FBXO36: variants seen among roughly 807,000 people sequenced by gnomAD.
FBXO36 encodes the protein F-box protein 36.
In FBXO36, 18 loss-of-function variants were observed where a neutral mutation model predicts 17.0. The ratio of observed to expected loss-of-function variants is 1.06; its 90% CI spans 0.73 to 1.57. FBXO36 has a LOEUF of 1.57. Among genes scored for constraint, FBXO36 ranks in the 40% most tolerant of loss-of-function variants. The pLI, the probability that FBXO36 is intolerant of heterozygous loss-of-function variation, is 0.00. For synonymous variants in FBXO36, 83 were observed against 85.3 expected (o/e 0.97, Z 0.15); for missense variants, 229 against 221.9 (o/e 1.03, Z -0.20).
At chr2:230,005,245 G>C (rs1017942583) in intron 3 of FBXO36, among the ~76,000 whole-genome samples, 1 of 151,970 alleles carries the variant, frequency 6.6e-6, no homozygotes, top group African/African-American at 2.4e-5. Flanking sequence ...GGGACTACAG[G>C]TGCACACCAC....
chr2:229,994,576 A>T (rs2077315268), intron 2 of FBXO36, among the ~76,000 whole-genome samples: 2 of 152,196 alleles, frequency 1.3e-5, no homozygotes, highest in African/African-American at 4.8e-5. Flanking sequence ...ATTGCCCTTG[A>T]CAGCTCTGTC....
intron 1 of FBXO36, among the ~76,000 whole-genome samples, chr2:229,951,526 G>A (rs2077057847): frequency 6.6e-6 from 1 of 152,248 alleles, no homozygotes; most frequent in Admixed American, 6.5e-5. Context: ...TTACAGGCGT[G>A]AGCCGCCGCG....
chr2:229,971,079 T>A (rs1382432545), intron 1 of FBXO36, among the ~76,000 whole-genome samples: 2 of 152,112 alleles, frequency 1.3e-5, no homozygotes, highest in African/African-American at 4.8e-5. Context: ...CATGGCCAGG[T>A]GAGGCGGCTC....
At chr2:229,961,804 A>C (rs1391310351) in intron 1 of FBXO36, among the ~76,000 whole-genome samples, 1 of 152,192 alleles carries the variant, frequency 6.6e-6, no homozygotes, top group Non-Finnish European at 1.5e-5. Context: ...AGGAAATTAA[A>C]ATTTTAATCT....
At chr2:229,957,204 G>A (rs1026006599) in intron 1 of FBXO36, among the ~76,000 whole-genome samples, 5 of 152,150 alleles carry the variant, frequency 3.3e-5, no homozygotes, top group African/African-American at 9.7e-5. Context: ...CAGGCATCCC[G>A]CAGCAGGAAG....
intron 1 of FBXO36, among the ~76,000 whole-genome samples, chr2:229,963,580 G>T (rs925428335): frequency 1.3e-5 from 2 of 151,918 alleles, no homozygotes; most frequent in Non-Finnish European, 2.9e-5. Flanking sequence ...GAGTAGCTGG[G>T]ACTACAGGCG....
At chr2:229,980,976 C>T (rs867379377) in intron 2 of FBXO36, among the ~76,000 whole-genome samples, 1 of 152,124 alleles carries the variant, frequency 6.6e-6, no homozygotes, top group African/African-American at 2.4e-5. Context: ...CTGTACACCC[C>T]CTTCTTAGAG....
chr2:229,996,717 A>G (rs1478327461), intron 2 of FBXO36, 34 bp from the exon 3 acceptor site: 2 of 1,584,520 alleles, frequency 1.3e-6, no homozygotes, highest in South Asian at 2.3e-5. Flanking sequence ...ATGTGACTGT[A>G]TATGATAACC....
chr2:229,940,090 TAA>T (rs1200975478), intron 1 of FBXO36, among the ~76,000 whole-genome samples: 1 of 141,194 alleles, frequency 7.1e-6, no homozygotes, highest in Admixed American at 7.1e-5. Flanking sequence ...CAAAAAAATA[TAA>T]AAAAAAAAAG....
chr2:230,002,880 A>C (rs1240923364), intron 3 of FBXO36, among the ~76,000 whole-genome samples: 1 of 152,180 alleles, frequency 6.6e-6, no homozygotes, highest in African/African-American at 2.4e-5. Flanking sequence ...GTTTTATTTA[A>C]ATGACCGTCT....
chr2:229,928,715 A>ATTT (rs2106152417), intron 1 of FBXO36, among the ~76,000 whole-genome samples: 1 of 152,300 alleles, frequency 6.6e-6, no homozygotes, highest in Admixed American at 6.5e-5. Flanking sequence ...AAATTGATTA[A>ATTT]TGATTAATTT....
chr2:229,960,000 T>C (rs1014446050), intron 1 of FBXO36, among the ~76,000 whole-genome samples: 1 of 152,098 alleles, frequency 6.6e-6, no homozygotes, highest in African/African-American at 2.4e-5. Context: ...GGTTTCAGCC[T>C]GATAATAAGG....
chr2:229,977,814 C>A (rs2077217660), intron 2 of FBXO36, among the ~76,000 whole-genome samples: 1 of 152,098 alleles, frequency 6.6e-6, no homozygotes, highest in South Asian at 2.1e-4. Flanking sequence ...AAAATGTGAC[C>A]CAGACCTATA....
chr2:229,941,501 A>C (rs2076998612), intron 1 of FBXO36, among the ~76,000 whole-genome samples: 1 of 152,052 alleles, frequency 6.6e-6, no homozygotes, highest in African/African-American at 2.4e-5. Context: ...GACACAGAAG[A>C]ATATAGCTGT....
In FBXO36 at chr2:229,922,547, A is replaced by G. The variant is rs753556519; in HGVS notation, c.34A>G (p.Thr12Ala). The change falls in exon 1 of 4, where the codon ACT becomes GCT. Residue 12 changes from threonine to alanine, a missense_variant. Transcript: ENST00000283946. ...GTGGCTGCCGGAGACTCTCTTTGAA[A>G]CTGTAGGACAAGGCCCGCCGCCTAG... ...ASWLPETLFE[T>A]VGQGPPPSKD... The G allele has an allele frequency of 6.2e-7, 1 of 1,613,782 alleles. No individual in the cohort carries two copies. Among genetic ancestry groups the G allele is most frequent in the Non-Finnish European group, 8.5e-7 (1 of 1,179,962 alleles).
intron 2 of FBXO36, among the ~76,000 whole-genome samples, chr2:229,980,701 A>G (rs1389045825): frequency 6.6e-6 from 1 of 152,124 alleles, no homozygotes; most frequent in Non-Finnish European, 1.5e-5. Context: ...AGAAAAGGCA[A>G]TATAGCGAAG....
intron 1 of FBXO36, among the ~76,000 whole-genome samples, chr2:229,923,778 G>GAA (rs1263799082): frequency 1.3e-5 from 2 of 151,144 alleles, no homozygotes; most frequent in Non-Finnish European, 2.9e-5. Flanking sequence ...TGTTCTTAGG[G>GAA]GGTTTTGCAC....
intron 1 of FBXO36, among the ~76,000 whole-genome samples, chr2:229,936,017 G>A (rs181161041): frequency 2.4e-4 from 36 of 152,144 alleles, no homozygotes; most frequent in Non-Finnish European, 2.2e-4. Flanking sequence ...GCAAAACCCC[G>A]TCTCTACTAA....
intron 1 of FBXO36, among the ~76,000 whole-genome samples, chr2:229,964,781 A>C (rs2077142323): frequency 6.6e-6 from 1 of 152,182 alleles, no homozygotes; most frequent in South Asian, 2.1e-4. Context: ...GGCCTCCCAA[A>C]GTACTGGGAT....
Sources: allele counts gnomAD v4.1 joint callset (sites outside exome capture counted in the v4.1 genomes callset), GRCh38; gene constraint gnomAD v4.1.1; transcripts MANE v1.5; gene names NCBI Gene and HGNC (gene_info 2026-07-23, HGNC 2026-07-21).